The following MITF variants were observed in gnomAD, a reference collection of about 807,000 sequenced individuals.
MITF encodes the protein microphthalmia-associated transcription factor.
A neutral mutation model predicts 60.5 loss-of-function variants in MITF; 17 were observed. The observed-to-expected ratio is 0.28, with a 90% confidence interval of 0.19 to 0.42. MITF has a LOEUF of 0.42. Ranked by LOEUF, MITF falls within the 10% of genes least tolerant of loss-of-function variation. MITF has a pLI of 1.00. For synonymous variants in MITF, 260 were observed against 248.5 expected (o/e 1.05, Z -0.43); for missense variants, 622 against 683.5 (o/e 0.91, Z 1.00).
At chr3:69,751,246 T>G (rs963779951) in intron 1 of MITF, among the ~76,000 whole-genome samples, 3 of 152,238 alleles carry the variant, frequency 2.0e-5, no homozygotes, top group Admixed American at 6.5e-5. Flanking sequence ...TCAGCCTGTT[T>G]TCCTGTCTTA....
intron 1 of MITF, among the ~76,000 whole-genome samples, chr3:69,829,305 A>C (rs1559656944): frequency 6.6e-6 from 1 of 152,212 alleles, no homozygotes; most frequent in Non-Finnish European, 1.5e-5. Context: ...TCATGATGAC[A>C]GAAAGTGATA....
chr3:69,741,117 A>G (rs1259895593), intron 1 of MITF, among the ~76,000 whole-genome samples: 3 of 152,226 alleles, frequency 2.0e-5, no homozygotes, highest in African/African-American at 7.2e-5. Flanking sequence ...AGTTGGACGT[A>G]TAAAACCAGC....
At chr3:69,808,264 C>T (rs1231416481) in intron 1 of MITF, among the ~76,000 whole-genome samples, 2 of 151,538 alleles carry the variant, frequency 1.3e-5, no homozygotes, top group African/African-American at 2.4e-5. Flanking sequence ...TGAACTGAAA[C>T]CAGAATAACC....
intron 6 of MITF, among the ~76,000 whole-genome samples, chr3:69,950,487 TACAC>T (rs1268124203): frequency 4.2e-5 from 6 of 144,494 alleles, no homozygotes; most frequent in South Asian, 2.2e-4. Flanking sequence ...TGCACACACA[TACAC>T]ACACACACAT....
At chr3:69,958,236 T>C (rs1432110549) in intron 8 of MITF, among the ~76,000 whole-genome samples, 6 of 152,238 alleles carry the variant, frequency 3.9e-5, no homozygotes, top group African/African-American at 1.4e-4. Context: ...TCATTTATTT[T>C]AACTACATTT....
intron 1 of MITF, among the ~76,000 whole-genome samples, chr3:69,854,583 T>C (rs11919798): frequency 0.32 from 48,804 of 152,098 alleles, 9,122 homozygotes; most frequent in Non-Finnish European, 0.42. Context: ...TGGCAGAATG[T>C]GTGGATGTGG....
intron 2 of MITF, among the ~76,000 whole-genome samples, chr3:69,930,855 C>T (rs2065706484): frequency 6.6e-6 from 1 of 152,206 alleles, no homozygotes; most frequent in Non-Finnish European, 1.5e-5. Flanking sequence ...GCTCCCAGTC[C>T]TGTATTTAAT....
chr3:69,928,472 GGTTA>G lies in MITF; in HGVS notation c.355-9349_355-9346del, dbSNP rs1432289791. Reference sequence around the variant, plus strand: ...TTTAAAAGTCTTCAGGAATCAGACGGGTTAATGAATAAAGTAGTCCAGTTGTCAG... The same window carrying G: ...TTTAAAAGTCTTCAGGAATCAGACGGATGAATAAAGTAGTCCAGTTGTCAG... On this transcript the variant is annotated intron_variant, in intron 2 of 9. Coordinates refer to ENST00000352241, the MANE Select transcript of MITF (RefSeq NM_001354604.2). Among the ~76,000 whole-genome samples the G allele has an allele frequency of 1.1e-4, 16 of 152,270 alleles. No homozygotes were observed. In the East Asian group the frequency reaches 2.7e-3, roughly 26 times the overall value.
At chr3:69,959,228 G>A (rs2066478672) in intron 8 of MITF, 45 bp from the exon 9 acceptor site, 1 of 1,608,932 alleles carries the variant, frequency 6.2e-7, no homozygotes, top group African/African-American at 1.3e-5. Context: ...TTTTCATTGA[G>A]CCTCAAATCC....
At chr3:69,813,843 T>A (rs968683711) in intron 1 of MITF, among the ~76,000 whole-genome samples, 33 of 152,202 alleles carry the variant, frequency 2.2e-4, no homozygotes, top group African/African-American at 7.2e-4. Context: ...TGAAATGGAC[T>A]TAACTAGGCA....
In MITF at chr3:69,879,359, G is replaced by T. The variant is rs9849776; in HGVS notation, c.330G>T (p.Thr110=). 2 of 1,614,174 alleles carry T rather than the reference G, an allele frequency of 1.2e-6. No individual in the cohort carries two copies. The highest frequency in any genetic ancestry group is 1.7e-6 in the Non-Finnish European group (2 of 1,180,028). ...TGCCCACCACCCTTCCCTCTGCCAC[G>T]CAGGTGCCGATGGAAGTCCTTAAGG... ...VSVPTTLPSA[T]QVPMEVLKVQ... is the part of the protein sequence containing the mutation. Residue 110 remains threonine (T), a synonymous_variant, in exon 2 of 10, where the codon ACG becomes ACT. Coordinates refer to ENST00000352241, the MANE Select transcript of MITF (RefSeq NM_001354604.2).
intron 5 of MITF, among the ~76,000 whole-genome samples, chr3:69,943,524 A>G (rs577769315): frequency 6.6e-6 from 1 of 152,284 alleles, no homozygotes; most frequent in South Asian, 2.1e-4. Context: ...GTTGTATTCA[A>G]TAATGTTATC....
intron 1 of MITF, among the ~76,000 whole-genome samples, chr3:69,871,640 C>T (rs1468366876): frequency 6.6e-6 from 1 of 152,162 alleles, no homozygotes; most frequent in African/African-American, 2.4e-5. Flanking sequence ...AACTTTGCAT[C>T]TTGGTTGACG....
At chr3:69,926,656 G>C (rs901860772) in intron 2 of MITF, among the ~76,000 whole-genome samples, 1 of 152,180 alleles carries the variant, frequency 6.6e-6, no homozygotes, top group African/African-American at 2.4e-5. Context: ...TGCACTCGCA[G>C]CTCCCATGGT....
intron 1 of MITF, among the ~76,000 whole-genome samples, chr3:69,753,336 C>T (rs770497898): frequency 5.3e-5 from 8 of 152,230 alleles, no homozygotes; most frequent in Non-Finnish European, 1.0e-4. Flanking sequence ...TATGGAAAAA[C>T]TTGGATGTCC....
At chr3:69,842,684 G>A (rs890275403) in intron 1 of MITF, among the ~76,000 whole-genome samples, 5 of 152,084 alleles carry the variant, frequency 3.3e-5, no homozygotes, top group Non-Finnish European at 5.9e-5. Flanking sequence ...ATTCTTGGGG[G>A]ATATGCTCAA....
intron 2 of MITF, among the ~76,000 whole-genome samples, chr3:69,888,463 G>A (rs1245099813): frequency 6.7e-6 from 1 of 148,256 alleles, no homozygotes; most frequent in African/African-American, 2.5e-5. Flanking sequence ...ACTTCTGGCT[G>A]TGGAGATCGG....
chr3:69,835,254 G>C (rs6804686), intron 1 of MITF, among the ~76,000 whole-genome samples: 47,196 of 151,906 alleles, frequency 0.31, 8,880 homozygotes, highest in Non-Finnish European at 0.42. Flanking sequence ...CTGGGCTTAA[G>C]CAATCTACCT....
intron 1 of MITF, among the ~76,000 whole-genome samples, chr3:69,798,771 C>T (rs2062871073): frequency 1.3e-5 from 2 of 152,218 alleles, no homozygotes. Context: ...GCATTATACT[C>T]CTTCCCTGCA....
Sources: gnomAD v4.1 joint callset for allele counts (sites outside exome capture counted in the v4.1 genomes callset) on GRCh38, gnomAD v4.1.1 for gene constraint, MANE v1.5 for transcripts, NCBI Gene and HGNC (gene_info 2026-07-23, HGNC 2026-07-21) for gene names.